Variants in SNX2 observed in about 807,000 individuals in gnomAD.
SNX2 encodes the protein sorting nexin 2.
Under a neutral mutation model 69.9 loss-of-function variants are expected in SNX2, and 25 were observed. That is an observed-to-expected ratio of 0.36 (90% CI 0.26 to 0.50). The LOEUF (loss-of-function observed/expected upper bound fraction) is 0.50. SNX2 is among the 20% of genes least tolerant of loss of function. The pLI is 0.97. For synonymous variants in SNX2, 229 were observed against 200.4 expected, an observed-to-expected ratio of 1.14 and a Z score of -1.20; for missense variants, 551 against 613.3, an observed-to-expected ratio of 0.90 and a Z score of 1.07.
chr5:122,824,228 T>TA (rs1754100489), intron 11 of SNX2, among the ~76,000 whole-genome samples: 2 of 149,938 alleles, frequency 1.3e-5, no homozygotes, highest in Non-Finnish European at 3.0e-5. Flanking sequence ...AAGAAAATTG[T>TA]AAAAAACACT....
Position 122,833,602 on chromosome 5 carries a change from G to C in SNX2, c.*3954G>C, listed in dbSNP as rs1244454397. Reference sequence around the variant, plus strand: ...CAGTTGTCACATGTGGATGACTAGTGGCTATGATAATGGACAGCATAGGTT... The same window carrying C: ...CAGTTGTCACATGTGGATGACTAGTCGCTATGATAATGGACAGCATAGGTT... On this transcript the variant is annotated 3_prime_UTR_variant, in exon 15 of 15. Coordinates refer to ENST00000379516, the MANE Select transcript of SNX2 (RefSeq NM_003100.4). 6.6e-6 allele frequency: 1 copy of C among 152,116 alleles called. No homozygotes were observed. The highest frequency in any genetic ancestry group is 1.5e-5 in the Non-Finnish European group (1 of 68,010). The allele number at this position is 152,116 out of a possible 1,614,324, so 9.4% of individuals were successfully genotyped here.
chr5:122,791,244 C>T (rs1169106492), intron 1 of SNX2, among the ~76,000 whole-genome samples: 1 of 151,934 alleles, frequency 6.6e-6, no homozygotes, highest in African/African-American at 2.4e-5. Flanking sequence ...TTGCCTCAGC[C>T]TCCTGAATAG....
chr5:122,805,865 C>T (rs1170135433), intron 6 of SNX2, among the ~76,000 whole-genome samples: 1 of 152,102 alleles, frequency 6.6e-6, no homozygotes, highest in African/African-American at 2.4e-5. Flanking sequence ...ACTGCAAGCT[C>T]TGTCTCCCGG....
intron 1 of SNX2, 29 bp downstream of exon 1, chr5:122,775,240 C>G: frequency 1.3e-6 from 2 of 1,530,350 alleles, no homozygotes; most frequent in Non-Finnish European, 1.8e-6. Context: ...GGGTGCTGCG[C>G]TGCGTAGCTG....
intron 7 of SNX2, among the ~76,000 whole-genome samples, chr5:122,812,369 CCTAGGCATT>C (rs1234631777): frequency 2.6e-5 from 3 of 117,168 alleles, no homozygotes; most frequent in Admixed American, 9.4e-5. Context: ...TCTCAAACAC[CCTAGGCATT>C]TTCCTACCTT....
rs911010074 is a variant in SNX2, at chr5:122,832,732, A to C, written c.*3084A>C. ...TAGAGAAGGAAAGTTATATTCCTTT[A>C]CAAATGCTCTTAATTTTAATGTCTT... On this transcript the variant is annotated 3_prime_UTR_variant, in exon 15 of 15. Transcript: ENST00000379516. 1 of 152,228 alleles carries C rather than the reference A, an allele frequency of 6.6e-6. No individual in the cohort carries two copies. The highest frequency in any genetic ancestry group is 1.9e-4 in the East Asian group (1 of 5,200). The allele number at this position is 152,228 out of a possible 1,614,324, so 9.4% of individuals were successfully genotyped here.
At chr5:122,808,548 A>G (rs1486964412) in intron 7 of SNX2, 193 bp downstream of exon 7, 4 of 440,800 alleles carry the variant, frequency 9.1e-6, no homozygotes, top group East Asian at 7.2e-5. Context: ...TGTTCTGTAT[A>G]ATTTTTAGTA....
In SNX2 at chr5:122,819,798, GTTTC is replaced by G. The variant is rs759885239; in HGVS notation, c.1212+782_1212+785del. ...ACATCTAGAAAGTTAATGAGATCTTGTTTCTTTCTTATGCAAAATTTTTTCAGCT... is the reference window on the plus strand; with the variant it reads ...ACATCTAGAAAGTTAATGAGATCTTGTTTCTTATGCAAAATTTTTTCAGCT... On this transcript the variant is annotated intron_variant, in intron 11 of 14. Coordinates refer to ENST00000379516, the MANE Select transcript of SNX2 (RefSeq NM_003100.4). 2.6e-5 allele frequency among the ~76,000 whole-genome samples: 4 copies of G among 152,152 alleles called. No homozygotes were observed. In the East Asian group the frequency reaches 7.7e-4, roughly 29 times the overall value.
intron 7 of SNX2, among the ~76,000 whole-genome samples, chr5:122,812,198 C>T (rs1281696960): frequency 1.3e-5 from 2 of 152,170 alleles, no homozygotes; most frequent in African/African-American, 4.8e-5. Flanking sequence ...AACCCCTCCC[C>T]ACGCTGGCCC....
At chr5:122,789,841 A>T (rs904571050) in intron 1 of SNX2, among the ~76,000 whole-genome samples, 6 of 152,210 alleles carry the variant, frequency 3.9e-5, no homozygotes, top group African/African-American at 1.4e-4. Flanking sequence ...GATCTGTCAG[A>T]ATTTGTTTAC....
chr5:122,790,396 C>T (rs1364510692), intron 1 of SNX2, among the ~76,000 whole-genome samples: 1 of 152,180 alleles, frequency 6.6e-6, no homozygotes, highest in Non-Finnish European at 1.5e-5. Context: ...GCTGAGATTA[C>T]AGGCGTGAGC....
chr5:122,776,099 AGT>A (rs1752850989), intron 1 of SNX2, among the ~76,000 whole-genome samples: 2 of 152,092 alleles, frequency 1.3e-5, no homozygotes, highest in South Asian at 2.1e-4. Context: ...CCTAATTTTA[AGT>A]GTGTGTATGT....
At chr5:122,778,494 T>C in intron 1 of SNX2, among the ~76,000 whole-genome samples, 1 of 152,114 alleles carries the variant, frequency 6.6e-6, no homozygotes, top group Non-Finnish European at 1.5e-5. Context: ...TGTTATTTTT[T>C]GACTTTTTAT....
chr5:122,797,590 C>T (rs1013750304), intron 2 of SNX2, among the ~76,000 whole-genome samples: 2 of 152,052 alleles, frequency 1.3e-5, no homozygotes, highest in Admixed American at 6.6e-5. Flanking sequence ...TAGGGAGCAG[C>T]GTATGTTACT....
At chr5:122,797,472 A>AT (rs55661965) in intron 2 of SNX2, among the ~76,000 whole-genome samples, 30,926 of 152,108 alleles carry the variant, frequency 0.2, 3,571 homozygotes, top group East Asian at 0.46. Flanking sequence ...TAATCTGATC[A>AT]TTTTTGTATG....
rs182916950 is a variant in SNX2, at chr5:122,777,966, C to T, written c.108+2755C>T. Among the ~76,000 whole-genome samples, 4 of 152,254 alleles carry T rather than the reference C, an allele frequency of 2.6e-5. No homozygotes were observed. In the East Asian group the frequency reaches 7.7e-4, roughly 29 times the overall value. Reference sequence around the variant, plus strand: ...TTGGCTGTAATATTGTATGTTAACCCATTTTTGACTATTGGCCTCTTCCCA... The same window carrying T: ...TTGGCTGTAATATTGTATGTTAACCTATTTTTGACTATTGGCCTCTTCCCA... On this transcript the variant is annotated intron_variant, in intron 1 of 14. Coordinates refer to ENST00000379516, the MANE Select transcript of SNX2 (RefSeq NM_003100.4).
chr5:122,817,239 T>C, intron 9 of SNX2, 41 bp from the exon 10 acceptor site: 1 of 1,563,920 alleles, frequency 6.4e-7, no homozygotes, highest in Non-Finnish European at 8.8e-7. Context: ...TACAATGGTT[T>C]GTTCTTCCTA....
chr5:122,805,126 T>C (rs1029839464), intron 6 of SNX2, among the ~76,000 whole-genome samples: 1 of 151,726 alleles, frequency 6.6e-6, no homozygotes, highest in African/African-American at 2.4e-5. Flanking sequence ...ACCCTGTCTC[T>C]ACAAAAATAC....
At chr5:122,785,215 T>C (rs1156830502) in intron 1 of SNX2, among the ~76,000 whole-genome samples, 1 of 152,036 alleles carries the variant, frequency 6.6e-6, no homozygotes, top group East Asian at 1.9e-4. Flanking sequence ...TGAATTTCAT[T>C]GATTTCTGCT....
Sources: allele counts gnomAD v4.1 joint callset (sites outside exome capture counted in the v4.1 genomes callset), GRCh38; gene constraint gnomAD v4.1.1; transcripts MANE v1.5; gene names NCBI Gene and HGNC (gene_info 2026-07-23, HGNC 2026-07-21).